MDP1: variants seen among roughly 807,000 people sequenced by gnomAD.
MDP1 encodes magnesium dependent phosphatase 1, also known as magnesium-dependent phosphatase 1.
In MDP1, 18 loss-of-function variants were observed where a neutral mutation model predicts 21.6. The ratio of observed to expected loss-of-function variants is 0.83; its 90% CI spans 0.58 to 1.24. The LOEUF (loss-of-function observed/expected upper bound fraction) is 1.24. MDP1 is among the 50% of genes most tolerant of loss of function. The pLI is 0.00. For missense variants in MDP1, 207 were observed against 218.6 expected, an observed-to-expected ratio of 0.95 and a Z score of 0.33; for synonymous variants, 101 against 83.2, an observed-to-expected ratio of 1.21 and a Z score of -1.16.
At position 24,213,957 on chromosome 14, in the gene MDP1, T is replaced by C; in HGVS notation, c.*67A>G. The C allele has an allele frequency of 6.6e-7, 1 of 1,525,364 alleles. No individual in the cohort carries two copies. The highest frequency in any genetic ancestry group is 8.8e-7 in the Non-Finnish European group (1 of 1,139,228). 94.5% of individuals were successfully genotyped at this position (1,525,364 alleles called of 1,614,324 possible). A position where few individuals can be genotyped will look rare whatever the true frequency, so the allele number is the denominator to read the frequency against. On this transcript the variant is annotated 3_prime_UTR_variant, in exon 6 of 6. Transcript: ENST00000288087. ...CACACTGTGGGTAAAATCTCTTCTG[T>C]CACACACAGATGAACTTTAATAAAT... is the stretch of plus-strand genomic sequence containing the variant.
In MDP1 at chr14:24,215,636, C is replaced by G; in HGVS notation, c.125G>C (p.Gly42Ala). Residue 42 changes from glycine (G) to alanine (A), a missense_variant, in exon 3 of 6, where the codon GGC becomes GCC. Physicochemically the swap from Gly to Ala is moderately conservative, Grantham distance 60. Transcript: ENST00000288087. ...CTCTGGGTACAGTCGGACGTCTTGG[C>G]CCCGCCTATCTCGTACAGTTCCATC... ...SSDGTVRDRR[G>A]QDVRLYPEVP... The G allele has an allele frequency of 1.2e-6, 2 of 1,614,170 alleles. No individual in the cohort carries two copies. The highest frequency in any genetic ancestry group is 2.2e-5 in the South Asian group (2 of 91,082).
At position 24,214,609 on chromosome 14, in the gene MDP1, G is replaced by C. The variant is rs754452200; in HGVS notation, c.210-10C>G. On this transcript the variant is annotated splice_polypyrimidine_tract_variant and intron_variant, in intron 3 of 5. Coordinates refer to ENST00000288087, the MANE Select transcript of MDP1 (RefSeq NM_138476.4). ...TTCTATCTCACTTGTCCTGCAAAAC[G>C]GTGTAAAAGATGGGATTAGCAAAGT... 1 of 1,614,004 alleles carries C rather than the reference G, an allele frequency of 6.2e-7. No homozygotes were observed. The highest frequency in any genetic ancestry group is 8.5e-7 in the Non-Finnish European group (1 of 1,179,942).
intron 3 of MDP1, 80 bp downstream of exon 3, chr14:24,215,471 AT>A: frequency 6.9e-7 from 1 of 1,446,732 alleles, no homozygotes; most frequent in South Asian, 1.2e-5. Context: ...CACCGCCCCT[AT>A]TTTTGTAGAC....
chr14:24,214,229 A>G, intron 5 of MDP1, 78 bp from the exon 6 acceptor site: 2 of 1,612,232 alleles, frequency 1.2e-6, no homozygotes, highest in Admixed American at 1.7e-5. Flanking sequence ...AGTGCCACCT[A>G]TAGGGCAAAC....
At chr14:24,214,824 C>T (rs1016816810) in intron 3 of MDP1, among the ~76,000 whole-genome samples, 2 of 152,098 alleles carry the variant, frequency 1.3e-5, no homozygotes, top group African/African-American at 4.8e-5. Flanking sequence ...GCTCTGTTGC[C>T]CAGACTGGAG....
At chr14:24,215,139 G>A (rs567498735) in intron 3 of MDP1, among the ~76,000 whole-genome samples, 1 of 141,436 alleles carries the variant, frequency 7.1e-6, no homozygotes, top group Non-Finnish European at 1.5e-5. Context: ...AGGCTGAAGT[G>A]CAGTGGCTCC....
intron 3 of MDP1, 44 bp from the exon 4 acceptor site, chr14:24,214,643 A>AG: frequency 1.2e-6 from 2 of 1,603,586 alleles, no homozygotes; most frequent in Non-Finnish European, 1.7e-6. Flanking sequence ...GTGAAGGGCC[A>AG]GGGCTACGTT....
At chr14:24,214,250 G>A (rs113997187) in intron 5 of MDP1, 60 bp downstream of exon 5, 1 of 1,613,770 alleles carries the variant, frequency 6.2e-7, no homozygotes, top group African/African-American at 1.3e-5. Flanking sequence ...TATCCAACCT[G>A]TATGTATCTA....
intron 5 of MDP1, 31 bp downstream of exon 5, chr14:24,214,279 C>T (rs1054891410): frequency 1.2e-6 from 2 of 1,614,164 alleles, no homozygotes; most frequent in Non-Finnish European, 1.7e-6. Flanking sequence ...CTCCTAGGGA[C>T]CCCAAATGGC....
chr14:24,215,644 A>G lies in MDP1; in HGVS notation c.117T>C (p.Asp39=). 1 of 1,614,050 alleles carries G rather than the reference A, an allele frequency of 6.2e-7. No individual in the cohort carries two copies. The change falls in exon 3 of 6, where the codon GAT becomes GAC. Residue 39 remains aspartate (D), a synonymous_variant. Coordinates refer to ENST00000288087, the MANE Select transcript of MDP1 (RefSeq NM_138476.4). ...ACAGTCGGACGTCTTGGCCCCGCCTATCTCGTACAGTTCCATCACTGGAGA... is the reference window on the plus strand; with the variant it reads ...ACAGTCGGACGTCTTGGCCCCGCCTGTCTCGTACAGTTCCATCACTGGAGA... ...FHKSSDGTVR[D]RRGQDVRLYP...
chr14:24,215,736 C>T lies in MDP1; in HGVS notation c.98+1G>A, dbSNP rs768224762. 6.2e-7 allele frequency: 1 copy of T among 1,614,232 alleles called. No homozygotes were observed. The highest frequency in any genetic ancestry group is 1.7e-5 in the Admixed American group (1 of 60,028). ...CCCAGTCTTCCCTGTCCCTACCTCACCTGCTCTTATGGAACGGAGGGTCTA... is the reference window on the plus strand; with the variant it reads ...CCCAGTCTTCCCTGTCCCTACCTCATCTGCTCTTATGGAACGGAGGGTCTA... On this transcript the variant is annotated splice_donor_variant, in intron 2 of 5. Transcript: ENST00000288087. LOFTEE classifies it high-confidence loss of function.
intron 3 of MDP1, among the ~76,000 whole-genome samples, chr14:24,214,941 A>ATT (rs11428547): frequency 0.012 from 1,709 of 137,002 alleles, 41 homozygotes; most frequent in African/African-American, 0.022. Flanking sequence ...CGCCACTACA[A>ATT]TTTTTTTTTT....
chr14:24,215,120 C>A (rs1224751103), intron 3 of MDP1, among the ~76,000 whole-genome samples: 2 of 132,352 alleles, frequency 1.5e-5, no homozygotes, highest in African/African-American at 5.9e-5. Context: ...TTGTCTCACT[C>A]TGTCACCCAG....
At position 24,215,990 on chromosome 14, in the gene MDP1, G is replaced by T; in HGVS notation, c.-35C>A. On this transcript the variant is annotated 5_prime_UTR_variant, in exon 1 of 6. Coordinates refer to ENST00000288087, the MANE Select transcript of MDP1 (RefSeq NM_138476.4). ...CGCAGGCTGCGCGCAGCAGAGGTGG[G>T]GCTTCACCCGGGGCCTTAGAGAGTG... 6.2e-7 allele frequency: 1 copy of T among 1,613,814 alleles called. No individual in the cohort carries two copies. Among genetic ancestry groups the T allele is most frequent in the South Asian group, 1.1e-5 (1 of 91,080 alleles).
Position 24,215,572 on chromosome 14 carries a change from C to A in MDP1, c.189G>T (p.Val63=), listed in dbSNP as rs375380712. 2 of 1,614,204 alleles carry A rather than the reference C, an allele frequency of 1.2e-6. No individual in the cohort carries two copies. Among genetic ancestry groups the A allele is most frequent in the Non-Finnish European group, 1.7e-6 (2 of 1,180,036 alleles). ...EVLKRLQSLG[V]PGAAASRTSE... Reference sequence around the variant, plus strand: ...CTTACCTTGAAGCAGCCGCACCGGGCACCCCAAGGCTCTGCAATCGTTTTA... The same window carrying A: ...CTTACCTTGAAGCAGCCGCACCGGGAACCCCAAGGCTCTGCAATCGTTTTA... Residue 63 remains valine, a synonymous_variant, in exon 3 of 6, where the codon GTG becomes GTT. Coordinates refer to ENST00000288087, the MANE Select transcript of MDP1 (RefSeq NM_138476.4).
rs748768112 is a variant in MDP1 at position 24,215,970 on chromosome 14, G to A, written c.-15C>T. On this transcript the variant is annotated 5_prime_UTR_variant, in exon 1 of 6. Coordinates refer to ENST00000288087, the MANE Select transcript of MDP1 (RefSeq NM_138476.4). ...AGCCGCGCCATGACCCGCACCGCAG[G>A]CTGCGCGCAGCAGAGGTGGGGCTTC... The A allele has an allele frequency of 4.3e-6, 7 of 1,614,138 alleles. No homozygotes were observed. The highest frequency in any genetic ancestry group is 1.7e-5 in the Admixed American group (1 of 60,034).
At position 24,213,960 on chromosome 14, in the gene MDP1, C is replaced by T. The variant is rs79864431; in HGVS notation, c.*64G>A. On this transcript the variant is annotated 3_prime_UTR_variant, in exon 6 of 6. Transcript: ENST00000288087. ...ACTGTGGGTAAAATCTCTTCTGTCA[C>T]ACACAGATGAACTTTAATAAATTAC... 7.2e-3 allele frequency: 10,916 copies of T among 1,526,238 alleles called. 66 individuals carry two copies. Among genetic ancestry groups the T allele is most frequent in the Non-Finnish European group, 7.9e-3 (9,035 of 1,139,518 alleles). 94.5% of individuals were successfully genotyped at this position (1,526,238 alleles called of 1,614,324 possible).
rs1181207683 is a variant in MDP1 at position 24,215,532 on chromosome 14, T to C, written c.209+20A>G. On this transcript the variant is annotated intron_variant, in intron 3 of 5. Transcript: ENST00000288087. ...GCACCCTTCAGCATTACACTGTCAG[T>C]TGTCAGTCGCTCTTCTTACCTTGAA... 1.9e-6 allele frequency: 3 copies of C among 1,612,438 alleles called. No homozygotes were observed. Among genetic ancestry groups the C allele is most frequent in the Middle Eastern group, 1.6e-4 (1 of 6,080 alleles).
chr14:24,213,983 T>G lies in MDP1; in HGVS notation c.*41A>C. The G allele has an allele frequency of 6.5e-7, 1 of 1,540,190 alleles. No individual in the cohort carries two copies. Among genetic ancestry groups the G allele is most frequent in the Non-Finnish European group, 8.7e-7 (1 of 1,145,732 alleles). ...CACACACAGATGAACTTTAATAAAT[T>G]ACAAATGCACCTGAAAATGCCTTCT... On this transcript the variant is annotated 3_prime_UTR_variant, in exon 6 of 6. Coordinates refer to ENST00000288087, the MANE Select transcript of MDP1 (RefSeq NM_138476.4).
Sources: gnomAD v4.1 joint callset for allele counts (sites outside exome capture counted in the v4.1 genomes callset) on GRCh38, gnomAD v4.1.1 for gene constraint, MANE v1.5 for transcripts, NCBI Gene and HGNC (gene_info 2026-07-23, HGNC 2026-07-21) for gene names.